Variants in MEIOB observed in about 807,000 individuals in gnomAD.
The protein encoded by MEIOB is meiosis specific with OB-fold.
MEIOB carries 50 observed loss-of-function variants against 53.1 expected under a neutral mutation model. The observed-to-expected ratio is 0.94, with a 90% confidence interval of 0.75 to 1.19. The LOEUF is 1.19. MEIOB is among the 50% of genes most tolerant of loss of function. The pLI is 0.00. For missense variants in MEIOB, 551 were observed against 550.8 expected, an observed-to-expected ratio of 1.00 and a Z score of 0.00; for synonymous variants, 192 against 182.5, an observed-to-expected ratio of 1.05 and a Z score of -0.42.
In MEIOB at chr16:1,861,836, C is replaced by T. The variant is rs528941086; in HGVS notation, c.259+149G>A. On this transcript the variant is annotated intron_variant, in intron 4 of 13. Coordinates refer to ENST00000325962, the MANE Select transcript of MEIOB (RefSeq NM_001163560.3). ...AGGCATGAGCCACCGTGCCCCACTG[C>T]ATTATACTCTTAACACTTGACTTTT... 49 of 790,658 alleles carry T rather than the reference C, an allele frequency of 6.2e-5. 1 individual carries two copies. In the South Asian group the frequency reaches 8.8e-4, roughly 14 times the overall value. The allele number at this position is 790,658 out of a possible 1,614,324, so 49.0% of individuals were successfully genotyped here.
chr16:1,840,544 ATTAT>A (rs1567272848), intron 11 of MEIOB, among the ~76,000 whole-genome samples: 3 of 24,796 alleles, frequency 1.2e-4, no homozygotes, highest in South Asian at 1.6e-3. Context: ...CTCTCTTATT[ATTAT>A]TTTTTTTTTT....
At chr16:1,835,862 CTT>C (rs34146401) in intron 13 of MEIOB, among the ~76,000 whole-genome samples, 39 of 142,766 alleles carry the variant, frequency 2.7e-4, no homozygotes, top group Non-Finnish European at 3.1e-4. Flanking sequence ...ATTCCTTTTT[CTT>C]TTTTTTTTTT....
Position 1,841,587 on chromosome 16 carries a change from A to G in MEIOB, c.1034+233T>C, listed in dbSNP as rs189357540. On this transcript the variant is annotated intron_variant, in intron 11 of 13. Transcript: ENST00000325962. ...AAGTTTGTCAAAAGTTTCTCACATT[A>G]TATCTTTATATGTTAGAATTATGGA... Among the ~76,000 whole-genome samples the G allele has an allele frequency of 1.0e-3, 156 of 152,298 alleles. 1 individual carries two copies. Among genetic ancestry groups the G allele is most frequent in the African/African-American group, 3.5e-3 (146 of 41,566 alleles).
chr16:1,869,345 G>C (rs944130950), intron 1 of MEIOB, among the ~76,000 whole-genome samples: 1 of 151,962 alleles, frequency 6.6e-6, no homozygotes, highest in Non-Finnish European at 1.5e-5. Flanking sequence ...GGCTGGTCTT[G>C]AACTCCTGAT....
chr16:1,841,965 T>C lies in MEIOB; in HGVS notation c.889A>G (p.Ile297Val). The part of the protein sequence containing the change: ...YFKESINLST[I>V]VDVYTVEQLK... ...TGTTCAACTGTGTAGACATCAACTA[T>C]TGTACTTACTAAAAACAGAAAGAAG... Residue 297 changes from isoleucine to valine, a missense_variant, in exon 11 of 14, where the codon ATA (isoleucine) becomes GTA (valine). Coordinates refer to ENST00000325962, the MANE Select transcript of MEIOB (RefSeq NM_001163560.3). 3 of 1,561,910 alleles carry C rather than the reference T, an allele frequency of 1.9e-6. No individual in the cohort carries two copies. Among genetic ancestry groups the C allele is most frequent in the South Asian group, 2.5e-5 (2 of 79,194 alleles).
intron 7 of MEIOB, 84 bp from the exon 8 acceptor site, chr16:1,853,355 A>G (rs770413056): frequency 1.3e-4 from 152 of 1,131,436 alleles, no homozygotes; most frequent in East Asian, 1.8e-4. Context: ...CAATAAAAGA[A>G]AGCTTCAGTG....
At chr16:1,839,231 C>T in intron 12 of MEIOB, 24 bp downstream of exon 12, 1 of 1,550,012 alleles carries the variant, frequency 6.5e-7, no homozygotes, top group Non-Finnish European at 8.7e-7. Context: ...ATATTCTAAA[C>T]ATTTCTTCCT....
At position 1,841,842 on chromosome 16, in the gene MEIOB, T is replaced by G. The variant is rs138046004; in HGVS notation, c.1012A>C (p.Thr338Pro). ...TACCATCTATTTCGAACTACTTTTG[T>G]AGTTTCATCATCAATGTTGAGTGTG... ...ISTLNIDDET[T>P]KVVRNRCSSC... Residue 338 changes from threonine to proline, a missense_variant, in exon 11 of 14, where the codon ACA becomes CCA. Physicochemically the swap from Thr to Pro is conservative, Grantham distance 38. Coordinates refer to ENST00000325962, the MANE Select transcript of MEIOB (RefSeq NM_001163560.3). 168 of 1,586,814 alleles carry G rather than the reference T, an allele frequency of 1.1e-4. No individual in the cohort carries two copies. Among genetic ancestry groups the G allele is most frequent in the Admixed American group, 2.9e-4 (16 of 55,004 alleles).
chr16:1,839,089 AT>A (rs1195894190), intron 12 of MEIOB, among the ~76,000 whole-genome samples, 165 bp downstream of exon 12: 1 of 152,300 alleles, frequency 6.6e-6, no homozygotes, highest in Middle Eastern at 3.4e-3. Context: ...AATATGTAAC[AT>A]TTGTTCATCA....
chr16:1,856,594 C>T (rs543653321), intron 6 of MEIOB, among the ~76,000 whole-genome samples: 42 of 152,218 alleles, frequency 2.8e-4, no homozygotes, highest in South Asian at 2.3e-3. Flanking sequence ...GCTGGGATTA[C>T]AGGCGTGAGC....
At position 1,837,803 on chromosome 16, in the gene MEIOB, C is replaced by T. The variant is rs1898789672; in HGVS notation, c.1286G>A (p.Arg429Lys). The stretch of plus-strand genomic sequence containing the variant: ...ACTAACTTTTAAATAAATTTTGCTT[C>T]TTTCCAAGAGAAATTGCCACTTTAA... ...TALKWQFLLERSKIYLKFVLS... is the reference protein window; with the variant it reads ...TALKWQFLLEKSKIYLKFVLS... The change falls in exon 13 of 14, where the codon AGA (arginine) becomes AAA (lysine). Residue 429 changes from arginine to lysine, a missense_variant. Transcript: ENST00000325962. 6.5e-7 allele frequency: 1 copy of T among 1,536,292 alleles called. No homozygotes were observed. Among genetic ancestry groups the T allele is most frequent in the African/African-American group, 1.4e-5 (1 of 72,396 alleles).
At chr16:1,844,760 T>C in intron 10 of MEIOB, 102 bp downstream of exon 10, 1 of 612,412 alleles carries the variant, frequency 1.6e-6, no homozygotes, top group Non-Finnish European at 3.0e-6. Context: ...AATATAGTAG[T>C]TACAGAATAG....
At chr16:1,865,584 G>T (rs2917521) in intron 3 of MEIOB, among the ~76,000 whole-genome samples, 194 bp downstream of exon 3, 22,143 of 151,776 alleles carry the variant, frequency 0.15, 1,632 homozygotes, top group East Asian at 0.16. Context: ...CATATATATA[G>T]AGAGAGAGAG....
At position 1,854,133 on chromosome 16, in the gene MEIOB, TAG is replaced by T; in HGVS notation, c.594_595del (p.Tyr199Ter). The T allele has an allele frequency of 1.3e-6, 2 of 1,550,962 alleles. No homozygotes were observed. The highest frequency in any genetic ancestry group is 1.7e-6 in the Non-Finnish European group (2 of 1,146,486). ...CGCAAAAGACGACTCTGTTTCATCA[TAG>T]AGTCTAACTTCACACCTCTGGCCTT... On this transcript the variant is annotated frameshift_variant, in exon 7 of 14. Transcript: ENST00000325962. LOFTEE classifies it high-confidence loss of function.
At chr16:1,860,109 G>A (rs1425732719) in intron 5 of MEIOB, among the ~76,000 whole-genome samples, 1 of 152,208 alleles carries the variant, frequency 6.6e-6, no homozygotes, top group African/African-American at 2.4e-5. Flanking sequence ...AAAAAAGACA[G>A]ATGTAATTTC....
intron 9 of MEIOB, among the ~76,000 whole-genome samples, chr16:1,847,615 G>A (rs920279081): frequency 6.6e-6 from 1 of 151,718 alleles, no homozygotes; most frequent in African/African-American, 2.4e-5. Flanking sequence ...GAGGGGAGGG[G>A]AGGGGAGAAA....
intron 5 of MEIOB, among the ~76,000 whole-genome samples, chr16:1,858,534 T>A (rs904102487): frequency 2.0e-5 from 3 of 152,160 alleles, no homozygotes; most frequent in African/African-American, 7.2e-5. Context: ...TGCCTTGCTA[T>A]CCTAACTAAG....
At chr16:1,859,296 C>A (rs1376521415) in intron 5 of MEIOB, among the ~76,000 whole-genome samples, 1 of 152,186 alleles carries the variant, frequency 6.6e-6, no homozygotes, top group African/African-American at 2.4e-5. Flanking sequence ...AATCCCAGCC[C>A]TTTGGGAGGC....
chr16:1,840,210 A>G (rs190766562), intron 11 of MEIOB: 3 of 152,212 alleles, frequency 2.0e-5, no homozygotes, highest in Non-Finnish European at 4.4e-5. Context: ...GAAAAAAATT[A>G]GTTTTTCAAT....
Sources: allele counts gnomAD v4.1 joint callset (sites outside exome capture counted in the v4.1 genomes callset), GRCh38; gene constraint gnomAD v4.1.1; transcripts MANE v1.5; gene names NCBI Gene and HGNC (gene_info 2026-07-23, HGNC 2026-07-21).